PDE9A: variants seen among roughly 807,000 people sequenced by gnomAD.
PDE9A encodes the protein high affinity cGMP-specific 3',5'-cyclic phosphodiesterase 9A.
In PDE9A, 60 loss-of-function variants were observed where a neutral mutation model predicts 87.4. That is an observed-to-expected ratio of 0.69 (90% CI 0.56 to 0.85). The LOEUF is 0.85. Ranked by LOEUF, PDE9A falls within the 40% of genes least tolerant of loss-of-function variation. The pLI, the probability that PDE9A is intolerant of heterozygous loss-of-function variation, is 0.00. For synonymous variants in PDE9A, 272 were observed against 279.4 expected, an observed-to-expected ratio of 0.97 and a Z score of 0.27; for missense variants, 665 against 779.0, an observed-to-expected ratio of 0.85 and a Z score of 1.74.
chr21:42,759,010 C>A lies in PDE9A; in HGVS notation c.822C>A (p.Cys274Ter). ...WLWEPNEMLS[C>*]LEHMYHDLGL... Reference sequence around the variant, plus strand: ...TCCTGTGCCCACAGATGCTGAGCTGCCTGGAGCACATGTACCACGACCTCG... The same window carrying A: ...TCCTGTGCCCACAGATGCTGAGCTGACTGGAGCACATGTACCACGACCTCG... Residue 274 changes from cysteine to a stop codon, truncating the protein, a stop_gained, in exon 11 of 20, where the codon TGC becomes TGA. Coordinates refer to ENST00000291539, the MANE Select transcript of PDE9A (RefSeq NM_002606.3). LOFTEE classifies it high-confidence loss of function. This position sits in a 1 kb window ranked among gnomAD's most constrained non-coding sequence, Gnocchi z 7.2. The A allele has an allele frequency of 6.2e-7, 1 of 1,613,752 alleles. No individual in the cohort carries two copies. Among genetic ancestry groups the A allele is most frequent in the Non-Finnish European group, 8.5e-7 (1 of 1,179,648 alleles).
At chr21:42,664,880 C>T (rs1456651569) in intron 1 of PDE9A, among the ~76,000 whole-genome samples, 1 of 152,262 alleles carries the variant, frequency 6.6e-6, no homozygotes, top group East Asian at 1.9e-4. Flanking sequence ...TGTTCATCCA[C>T]TCATGGTCAC....
Position 42,775,442 on chromosome 21 carries a change from G to A in PDE9A, c.*149G>A. The A allele has an allele frequency of 3.4e-6, 2 of 595,966 alleles. No individual in the cohort carries two copies. The highest frequency in any genetic ancestry group is 5.9e-6 in the Non-Finnish European group (2 of 337,982). 36.9% of individuals were successfully genotyped at this position (595,966 alleles called of 1,614,324 possible). The stretch of plus-strand genomic sequence containing the variant: ...TTCACTGATACAAAAAAAAAAAAAG[G>A]AATTCATGATGCTGTACAGAATTTT... On this transcript the variant is annotated 3_prime_UTR_variant, in exon 20 of 20. Coordinates refer to ENST00000291539, the MANE Select transcript of PDE9A (RefSeq NM_002606.3).
intron 19 of PDE9A, among the ~76,000 whole-genome samples, chr21:42,773,776 G>T (rs970565325): frequency 9.2e-5 from 14 of 151,648 alleles, no homozygotes; most frequent in Non-Finnish European, 2.9e-5. Context: ...ACTCCAGCCT[G>T]GGCAACAGAG....
Position 42,660,424 on chromosome 21 carries a change from T to C in PDE9A, c.69+6541T>C, listed in dbSNP as rs8132932. Among the ~76,000 whole-genome samples the C allele has an allele frequency of 9.0e-4, 137 of 152,174 alleles. No individual in the cohort carries two copies. The highest frequency in any genetic ancestry group is 3.3e-3 in the African/African-American group (135 of 41,526). ...TTGTGGAGGTTGAGACCAAGGCCAGTTGGGTGCTTGCATTTCCAGGGGTCC... is the reference window on the plus strand; with the variant it reads ...TTGTGGAGGTTGAGACCAAGGCCAGCTGGGTGCTTGCATTTCCAGGGGTCC... On this transcript the variant is annotated intron_variant, in intron 1 of 19. Coordinates refer to ENST00000291539, the MANE Select transcript of PDE9A (RefSeq NM_002606.3). This position sits in a 1 kb window ranked among gnomAD's most constrained non-coding sequence, Gnocchi z 4.7.
intron 8 of PDE9A, among the ~76,000 whole-genome samples, chr21:42,747,422 TGCCA>T (rs2053978854): frequency 6.6e-6 from 1 of 152,190 alleles, no homozygotes; most frequent in Non-Finnish European, 1.5e-5. Flanking sequence ...CTCAGCCCCG[TGCCA>T]CACAAATGGC....
At chr21:42,748,489 AAAT>A (rs1395083357) in intron 8 of PDE9A, among the ~76,000 whole-genome samples, 1 of 152,244 alleles carries the variant, frequency 6.6e-6, no homozygotes, top group African/African-American at 2.4e-5. Flanking sequence ...CATGCCGAGA[AAAT>A]AACACCGAAG....
chr21:42,664,025 G>A (rs2057787352), intron 1 of PDE9A, among the ~76,000 whole-genome samples: 1 of 152,240 alleles, frequency 6.6e-6, no homozygotes, highest in African/African-American at 2.4e-5. Context: ...CAATGGATCA[G>A]AGAGCCCCCA....
At chr21:42,669,570 C>A (rs1355604817) in intron 1 of PDE9A, among the ~76,000 whole-genome samples, 1 of 152,184 alleles carries the variant, frequency 6.6e-6, no homozygotes, top group African/African-American at 2.4e-5. Context: ...GCTTCGGAGC[C>A]TCGGCGTCAA....
chr21:42,717,294 C>CT (rs57599893), intron 4 of PDE9A, among the ~76,000 whole-genome samples: 5,584 of 85,284 alleles, frequency 0.065, 475 homozygotes, highest in Non-Finnish European at 0.097. Flanking sequence ...TGGAACATGC[C>CT]TTTTTTTTTT....
rs2059876719 is a variant in PDE9A, at chr21:42,692,090, G to A, written c.218+4096G>A. Among the ~76,000 whole-genome samples the A allele has an allele frequency of 6.6e-6, 1 of 152,220 alleles. No individual in the cohort carries two copies. The highest frequency in any genetic ancestry group is 1.5e-5 in the Non-Finnish European group (1 of 68,030). On this transcript the variant is annotated intron_variant, in intron 3 of 19. Transcript: ENST00000291539. The surrounding 1 kb of genome is among the most constrained non-coding windows in gnomAD (Gnocchi z 4.3). ...GTTCTCACTGCTGCTGGCCCCGCTG[G>A]ACGGTCTTCTCTCATAGGAAGGAAA... is the stretch of plus-strand genomic sequence containing the variant.
At chr21:42,748,421 G>A (rs552544096) in intron 8 of PDE9A, among the ~76,000 whole-genome samples, 1 of 152,376 alleles carries the variant, frequency 6.6e-6, no homozygotes, top group South Asian at 2.1e-4. Context: ...GAAACAGAGG[G>A]AAGGGCTACC....
chr21:42,760,482 G>A lies in PDE9A; in HGVS notation c.1002+50G>A, dbSNP rs376470999. On this transcript the variant is annotated intron_variant, in intron 12 of 19. Coordinates refer to ENST00000291539, the MANE Select transcript of PDE9A (RefSeq NM_002606.3). The surrounding 1 kb of genome is among the most constrained non-coding windows in gnomAD (Gnocchi z 5.2). ...AGACCTCTACTCTCGGGGGTCAGACGGAGGCCCCCTTCCAGGGAGCGGCAG... is the reference window on the plus strand; with the variant it reads ...AGACCTCTACTCTCGGGGGTCAGACAGAGGCCCCCTTCCAGGGAGCGGCAG... 1.6e-5 allele frequency: 18 copies of A among 1,148,034 alleles called. No homozygotes were observed. The African/African-American group carries it at 1.9e-4, about 12-fold the overall frequency. 71.1% of individuals were successfully genotyped at this position (1,148,034 alleles called of 1,614,324 possible). A position where few individuals can be genotyped will look rare whatever the true frequency, so the allele number is the denominator to read the frequency against.
intron 1 of PDE9A, among the ~76,000 whole-genome samples, chr21:42,658,899 C>T (rs533587651): frequency 1.3e-5 from 2 of 152,170 alleles, no homozygotes; most frequent in East Asian, 3.9e-4. Context: ...GAGGGGGTGG[C>T]GGTGGTGGAG....
chr21:42,677,336 T>C (rs2058900848), intron 1 of PDE9A, among the ~76,000 whole-genome samples: 1 of 152,164 alleles, frequency 6.6e-6, no homozygotes, highest in Non-Finnish European at 1.5e-5. Context: ...ACAACCAACC[T>C]CAAAGCATGA....
rs2057392942 is a variant in PDE9A, at chr21:42,660,397, G to C, written c.69+6514G>C. The stretch of plus-strand genomic sequence containing the variant: ...AAGGCAGTTTGCGAGTCAGTGCCTG[G>C]CTTGTGGAGGTTGAGACCAAGGCCA... On this transcript the variant is annotated intron_variant, in intron 1 of 19. Transcript: ENST00000291539. This position sits in a 1 kb window ranked among gnomAD's most constrained non-coding sequence, Gnocchi z 4.7. Among the ~76,000 whole-genome samples the C allele has an allele frequency of 6.6e-6, 1 of 152,194 alleles. No homozygotes were observed. Among genetic ancestry groups the C allele is most frequent in the African/African-American group, 2.4e-5 (1 of 41,444 alleles).
chr21:42,721,294 T>C (rs1345787353), intron 4 of PDE9A, among the ~76,000 whole-genome samples: 2 of 152,178 alleles, frequency 1.3e-5, no homozygotes, highest in African/African-American at 4.8e-5. Context: ...CTCGATTCAA[T>C]GCCTGCCCCT....
At chr21:42,681,504 T>G (rs1250483980) in intron 1 of PDE9A, among the ~76,000 whole-genome samples, 1 of 152,212 alleles carries the variant, frequency 6.6e-6, no homozygotes, top group East Asian at 1.9e-4. Context: ...TTGCCTGTGG[T>G]TGGCACCTGG....
At chr21:42,738,759 C>A (rs913967388) in intron 7 of PDE9A, among the ~76,000 whole-genome samples, 2 of 152,144 alleles carry the variant, frequency 1.3e-5, no homozygotes, top group Non-Finnish European at 2.9e-5. Flanking sequence ...GATCTTGGCC[C>A]ACTGCAACCT....
chr21:42,735,122 T>G (rs1315847817), intron 7 of PDE9A, among the ~76,000 whole-genome samples: 1 of 152,216 alleles, frequency 6.6e-6, no homozygotes. Context: ...GCTCAGAGGT[T>G]GTGCAGCAGC....
Sources: gnomAD v4.1 joint callset for allele counts (sites outside exome capture counted in the v4.1 genomes callset) on GRCh38, gnomAD v4.1.1 for gene constraint, Gnocchi (gnomAD v3.1) non-coding constraint, MANE v1.5 for transcripts, NCBI Gene and HGNC (gene_info 2026-07-23, HGNC 2026-07-21) for gene names.